ANKRD55: variants seen among roughly 807,000 people sequenced by gnomAD.
The protein encoded by ANKRD55 is ankyrin repeat domain-containing protein 55.
Under a neutral mutation model 60.6 loss-of-function variants are expected in ANKRD55, and 41 were observed. The ratio of observed to expected loss-of-function variants is 0.68; its 90% CI spans 0.53 to 0.88. The LOEUF is 0.88. Among genes scored for constraint, ANKRD55 ranks in the 40% least tolerant of loss-of-function variants. The pLI, the probability that ANKRD55 is intolerant of heterozygous loss-of-function variation, is 0.00. For missense variants in ANKRD55, 732 were observed against 767.6 expected (o/e 0.95, Z 0.55); for synonymous variants, 264 against 290.3 (o/e 0.91, Z 0.92).
At chr5:56,175,595 A>G (rs1758718642) in intron 4 of ANKRD55, among the ~76,000 whole-genome samples, 1 of 152,156 alleles carries the variant, frequency 6.6e-6, no homozygotes, top group Non-Finnish European at 1.5e-5. Context: ...GACTAGTATT[A>G]TGACACAGTT....
At chr5:56,167,982 T>A (rs1181347375) in intron 5 of ANKRD55, among the ~76,000 whole-genome samples, 2 of 152,236 alleles carry the variant, frequency 1.3e-5, no homozygotes, top group African/African-American at 2.4e-5. Context: ...AGTTTACCCC[T>A]TAGGTGCAAT....
intron 2 of ANKRD55, chr5:56,192,604 GTTTAT>G (rs1217803189): frequency 6.3e-6 from 4 of 633,670 alleles, no homozygotes; most frequent in Non-Finnish European, 1.1e-5. Context: ...CGGCAATAGG[GTTTAT>G]TTTATTTTCT....
At chr5:56,146,774 C>T (rs1008087346) in intron 6 of ANKRD55, 1 of 152,162 alleles carries the variant, frequency 6.6e-6, no homozygotes, top group Non-Finnish European at 1.5e-5. Flanking sequence ...TATCTCACAT[C>T]CAATTACTAA....
At chr5:56,195,914 T>G (rs1467051899) in intron 2 of ANKRD55, among the ~76,000 whole-genome samples, 2 of 152,226 alleles carry the variant, frequency 1.3e-5, no homozygotes, top group Admixed American at 6.5e-5. Context: ...CTGCCAAAAT[T>G]TCAAGGCATT....
intron 8 of ANKRD55, among the ~76,000 whole-genome samples, chr5:56,121,478 T>C (rs912513948): frequency 6.6e-6 from 1 of 150,902 alleles, no homozygotes; most frequent in Non-Finnish European, 1.5e-5. Context: ...GTTCAAGCGA[T>C]TCTCCTGCCT....
At chr5:56,214,634 C>T (rs182165463) in intron 2 of ANKRD55, among the ~76,000 whole-genome samples, 35 of 152,348 alleles carry the variant, frequency 2.3e-4, no homozygotes, top group Non-Finnish European at 7.3e-5. Flanking sequence ...ATGGGATTTA[C>T]TCCACTGTAC....
chr5:56,121,109 G>A (rs1310638080), intron 8 of ANKRD55, among the ~76,000 whole-genome samples: 1 of 152,006 alleles, frequency 6.6e-6, no homozygotes, highest in African/African-American at 2.4e-5. Context: ...AACATCATCT[G>A]ACCTGAAGGG....
rs1758893644 is a variant in ANKRD55 at position 56,183,432 on chromosome 5, T to C, written c.181+80A>G. Reference sequence around the variant, plus strand: ...AAATGGCTGGTCAGATATACATTTATTAACATTGCTCATGTCTGAAGGCCA... The same window carrying C: ...AAATGGCTGGTCAGATATACATTTACTAACATTGCTCATGTCTGAAGGCCA... On this transcript the variant is annotated intron_variant, in intron 3 of 11. Coordinates refer to ENST00000341048, the MANE Select transcript of ANKRD55 (RefSeq NM_024669.3). The C allele has an allele frequency of 1.9e-6, 3 of 1,558,948 alleles. No homozygotes were observed. In the African/African-American group the frequency reaches 4.1e-5, roughly 21 times the overall value.
Position 56,188,666 on chromosome 5 carries a change from A to G in ANKRD55, c.59-5032T>C, listed in dbSNP as rs116482851. ...GTTTCTGGAATCTCAATTCTGTTCCATTGGTCTACGTGGCTGTTTTTATGC... is the reference window on the plus strand; with the variant it reads ...GTTTCTGGAATCTCAATTCTGTTCCGTTGGTCTACGTGGCTGTTTTTATGC... On this transcript the variant is annotated intron_variant, in intron 2 of 11. Coordinates refer to ENST00000341048, the MANE Select transcript of ANKRD55 (RefSeq NM_024669.3). Among the ~76,000 whole-genome samples, 1,319 of 152,264 alleles carry G rather than the reference A, an allele frequency of 8.7e-3. 9 individuals are homozygous for G. Among genetic ancestry groups the G allele is most frequent in the South Asian group, 0.021 (100 of 4,828 alleles).
At chr5:56,209,660 T>C (rs1299227621) in intron 2 of ANKRD55, among the ~76,000 whole-genome samples, 1 of 152,128 alleles carries the variant, frequency 6.6e-6, no homozygotes, top group African/African-American at 2.4e-5. Flanking sequence ...AGAGACGCAG[T>C]TTCACTGTGT....
At chr5:56,168,612 CAT>C (rs1758538600) in intron 5 of ANKRD55, among the ~76,000 whole-genome samples, 1 of 152,176 alleles carries the variant, frequency 6.6e-6, no homozygotes, top group African/African-American at 2.4e-5. Flanking sequence ...AGGAAAAAAA[CAT>C]AGCATATATG....
chr5:56,215,147 A>C (rs1455772561), intron 2 of ANKRD55, among the ~76,000 whole-genome samples: 1 of 151,892 alleles, frequency 6.6e-6, no homozygotes, highest in Non-Finnish European at 1.5e-5. Context: ...AGATTTCTGA[A>C]CTCTCTTGGA....
chr5:56,144,637 A>G (rs1014375710), intron 6 of ANKRD55, among the ~76,000 whole-genome samples: 1 of 152,202 alleles, frequency 6.6e-6, no homozygotes, highest in African/African-American at 2.4e-5. Flanking sequence ...TGGAGAGACA[A>G]TGAAGGATTT....
chr5:56,131,711 G>T (rs907823522), intron 7 of ANKRD55, among the ~76,000 whole-genome samples: 1 of 142,988 alleles, frequency 7.0e-6, no homozygotes, highest in African/African-American at 2.6e-5. Context: ...CAGGAGAATC[G>T]CTTGAACCCG....
intron 2 of ANKRD55, among the ~76,000 whole-genome samples, chr5:56,210,418 C>T (rs1358558276): frequency 2.0e-5 from 3 of 151,578 alleles, no homozygotes; most frequent in Non-Finnish European, 2.9e-5. Context: ...AAAAATTAGC[C>T]GGGTGCGGTG....
intron 2 of ANKRD55, chr5:56,192,603 G>C: frequency 1.6e-6 from 1 of 622,640 alleles, no homozygotes; most frequent in South Asian, 1.8e-5. Flanking sequence ...TCGGCAATAG[G>C]GTTTATTTTA....
chr5:56,148,917 T>C (rs1359063813), intron 6 of ANKRD55, among the ~76,000 whole-genome samples: 1 of 152,154 alleles, frequency 6.6e-6, no homozygotes, highest in East Asian at 1.9e-4. Context: ...TTCCAGATGC[T>C]TTGAAGGATC....
At chr5:56,108,849 C>T (rs563813988) in intron 10 of ANKRD55, among the ~76,000 whole-genome samples, 15 of 152,246 alleles carry the variant, frequency 9.9e-5, no homozygotes, top group African/African-American at 3.6e-4. Flanking sequence ...CCAGCCTGGC[C>T]AACATAGTGA....
chr5:56,116,869 C>G, intron 8 of ANKRD55, 87 bp from the exon 9 acceptor site: 10 of 1,372,694 alleles, frequency 7.3e-6, no homozygotes, highest in Non-Finnish European at 8.7e-6. Flanking sequence ...TGCTCAAAGT[C>G]AGGTTGAGGT....
Sources: gnomAD v4.1 joint callset for allele counts (sites outside exome capture counted in the v4.1 genomes callset) on GRCh38, gnomAD v4.1.1 for gene constraint, MANE v1.5 for transcripts, NCBI Gene and HGNC (gene_info 2026-07-23, HGNC 2026-07-21) for gene names.